The following EMSY variants were observed in gnomAD, a reference collection of about 807,000 sequenced individuals.
EMSY encodes the protein EMSY transcriptional repressor, BRCA2 interacting.
In EMSY, 26 loss-of-function variants were observed where a neutral mutation model predicts 134.6. The ratio of observed to expected loss-of-function variants is 0.19; its 90% CI spans 0.14 to 0.27. The LOEUF is 0.27. Among genes scored for constraint, EMSY ranks in the 10% least tolerant of loss-of-function variants. The pLI is 1.00. For missense variants in EMSY, 1,305 were observed against 1,611.4 expected (o/e 0.81, Z 3.26); for synonymous variants, 579 against 577.8 (o/e 1.00, Z -0.03).
At chr11:76,542,099 C>T (rs1565363740) in intron 17 of EMSY, 117 bp from the exon 19 acceptor site, 1 of 1,346,076 alleles carries the variant, frequency 7.4e-7, no homozygotes, top group Non-Finnish European at 1.1e-6. Flanking sequence ...CCTCCTAGTT[C>T]ACAATACTAC....
chr11:76,478,453 C>T (rs1347414466), intron 8 of EMSY, among the ~76,000 whole-genome samples: 1 of 150,976 alleles, frequency 6.6e-6, no homozygotes, highest in African/African-American at 2.4e-5. Context: ...AAGCGATTCT[C>T]CTGCCTCAGC....
At chr11:76,450,101 TTC>T (rs1012904929) in intron 2 of EMSY, among the ~76,000 whole-genome samples, 2 of 151,970 alleles carry the variant, frequency 1.3e-5, no homozygotes, top group Admixed American at 1.3e-4. Context: ...ACAATTCTCT[TTC>T]TGATTAAAGC....
intron 9 of EMSY, among the ~76,000 whole-genome samples, chr11:76,504,279 T>C (rs1339004781): frequency 6.7e-6 from 1 of 149,638 alleles, no homozygotes; most frequent in African/African-American, 2.4e-5. Flanking sequence ...GGTACAGATA[T>C]ATGAGTTTTT....
At chr11:76,522,516 C>A (rs367716342) in intron 11 of EMSY, among the ~76,000 whole-genome samples, 2 of 151,650 alleles carry the variant, frequency 1.3e-5, no homozygotes, top group South Asian at 4.2e-4. Flanking sequence ...TACAGGCGCC[C>A]GCCGCCACCC....
chr11:76,491,173 T>C, intron 8 of EMSY, among the ~76,000 whole-genome samples: 1 of 134,836 alleles, frequency 7.4e-6, no homozygotes, highest in African/African-American at 2.7e-5. Context: ...TCTTCTTCTT[T>C]TTTCTTTTTT....
exon 8 of EMSY, chr11:76,472,680 C>G (rs762282958): frequency 2.5e-6 from 4 of 1,614,006 alleles, no homozygotes; most frequent in African/African-American, 2.7e-5. Context: ...CTTCTACAAC[C>G]CAGAAGCCAC....
At chr11:76,547,023 A>C (rs1951678957) in intron 20 of EMSY, 1 of 449,454 alleles carries the variant, frequency 2.2e-6, no homozygotes, top group Non-Finnish European at 4.5e-6. Flanking sequence ...TGTCATGCAT[A>C]ATAGGTCAAG....
At chr11:76,487,941 A>T (rs1457013489) in intron 8 of EMSY, among the ~76,000 whole-genome samples, 1 of 152,248 alleles carries the variant, frequency 6.6e-6, no homozygotes, top group Non-Finnish European at 1.5e-5. Context: ...CACAAAACAC[A>T]GGTAATGTTT....
At chr11:76,514,723 C>CT (rs1005224439) in intron 10 of EMSY, among the ~76,000 whole-genome samples, 1 of 152,140 alleles carries the variant, frequency 6.6e-6, no homozygotes. Context: ...AACTGAAACT[C>CT]TGTGTTCATT....
At chr11:76,509,669 G>A (rs530568709) in intron 9 of EMSY, among the ~76,000 whole-genome samples, 47 of 149,432 alleles carry the variant, frequency 3.1e-4, no homozygotes, top group African/African-American at 1.2e-3. Flanking sequence ...TGTTAAAGGT[G>A]GGGGGGAAAG....
At chr11:76,477,270 G>GTTTTTTTTTT (rs529328999) in intron 8 of EMSY, among the ~76,000 whole-genome samples, 1 of 139,150 alleles carries the variant, frequency 7.2e-6, no homozygotes. Context: ...ATTTATTTCT[G>GTTTTTTTTTT]TTTTTTTTTT....
chr11:76,464,224 G>T, intron 7 of EMSY, 144 bp downstream of exon 8: 1 of 1,075,040 alleles, frequency 9.3e-7, no homozygotes, highest in Non-Finnish European at 1.3e-6. Context: ...TAATTTTCCA[G>T]ATAAGGCTTT....
At chr11:76,509,551 C>G (rs1412134017) in intron 9 of EMSY, among the ~76,000 whole-genome samples, 1 of 151,994 alleles carries the variant, frequency 6.6e-6, no homozygotes, top group Non-Finnish European at 1.5e-5. Flanking sequence ...TACTGAGAAG[C>G]ACAATAAAGC....
chr11:76,516,995 A>G (rs1245975501), intron 11 of EMSY, among the ~76,000 whole-genome samples: 1 of 152,132 alleles, frequency 6.6e-6, no homozygotes, highest in African/African-American at 2.4e-5. Flanking sequence ...GTGGACCCTA[A>G]TGTGGAATGT....
At chr11:76,465,507 TC>T (rs1948313521) in intron 7 of EMSY, among the ~76,000 whole-genome samples, 1 of 152,104 alleles carries the variant, frequency 6.6e-6, no homozygotes, top group African/African-American at 2.4e-5. Flanking sequence ...ATTTTCTTTA[TC>T]ATTTAATTTT....
intron 8 of EMSY, among the ~76,000 whole-genome samples, chr11:76,479,294 A>T (rs1948880206): frequency 6.6e-6 from 1 of 152,226 alleles, no homozygotes; most frequent in Non-Finnish European, 1.5e-5. Flanking sequence ...AATTGTAATT[A>T]AAACACAGGT....
chr11:76,497,832 A>G (rs1206513579), intron 9 of EMSY, among the ~76,000 whole-genome samples: 1 of 151,472 alleles, frequency 6.6e-6, no homozygotes, highest in Non-Finnish European at 1.5e-5. Context: ...TTTTAATTTT[A>G]TTATCTTTAT....
chr11:76,479,991 T>C (rs1948908032), intron 8 of EMSY, among the ~76,000 whole-genome samples: 1 of 152,170 alleles, frequency 6.6e-6, no homozygotes, highest in South Asian at 2.1e-4. Flanking sequence ...TTGCAGAAAT[T>C]TAAGAGGAGA....
chr11:76,530,826 A>G (rs1951015176), intron 14 of EMSY, among the ~76,000 whole-genome samples: 1 of 152,194 alleles, frequency 6.6e-6, no homozygotes, highest in Non-Finnish European at 1.5e-5. Context: ...TTTTCAAAGT[A>G]TATGAGAATA....
Sources: gnomAD v4.1 joint callset for allele counts (sites outside exome capture counted in the v4.1 genomes callset) on GRCh38, gnomAD v4.1.1 for gene constraint, MANE v1.5 for transcripts, NCBI Gene and HGNC (gene_info 2026-07-23, HGNC 2026-07-21) for gene names.